DCC: variants seen among roughly 807,000 people sequenced by gnomAD.
DCC encodes DCC netrin 1 receptor.
A neutral mutation model predicts 172.5 loss-of-function variants in DCC; 58 were observed. The ratio of observed to expected loss-of-function variants is 0.34; its 90% confidence interval spans 0.27 to 0.42. The LOEUF is 0.42. Among genes scored for constraint, DCC ranks in the 10% least tolerant of loss-of-function variants. The pLI is 1.00. For missense variants in DCC, 1,740 were observed against 1,791.0 expected (o/e 0.97, Z 0.51); for synonymous variants, 709 against 644.5 (o/e 1.10, Z -1.52).
chr18:52,600,939 A>G (rs999211520), intron 1 of DCC, among the ~76,000 whole-genome samples: 2 of 152,160 alleles, frequency 1.3e-5, no homozygotes, highest in Non-Finnish European at 2.9e-5. Flanking sequence ...TATAACCCAA[A>G]GTTATATAGT....
At chr18:52,790,578 A>C (rs1270371170) in intron 2 of DCC, among the ~76,000 whole-genome samples, 2 of 152,178 alleles carry the variant, frequency 1.3e-5, no homozygotes, top group Non-Finnish European at 2.9e-5. Flanking sequence ...GAACATTATA[A>C]AAAAAGATAG....
chr18:53,340,077 T>TAC (rs1384746117), intron 15 of DCC, among the ~76,000 whole-genome samples, 170 bp downstream of exon 15: 92 of 101,400 alleles, frequency 9.1e-4, no homozygotes, highest in African/African-American at 3.1e-3. Flanking sequence ...CACACACACA[T>TAC]ACACACACAC....
At chr18:52,578,717 A>C (rs1045577143) in intron 1 of DCC, among the ~76,000 whole-genome samples, 1 of 152,244 alleles carries the variant, frequency 6.6e-6, no homozygotes, top group Non-Finnish European at 1.5e-5. Flanking sequence ...AAACAAAATT[A>C]GAGGCTGGGC....
At chr18:52,385,110 G>A (rs1873332176) in intron 1 of DCC, among the ~76,000 whole-genome samples, 1 of 152,094 alleles carries the variant, frequency 6.6e-6, no homozygotes, top group Non-Finnish European at 1.5e-5. Context: ...AAAATTAAAT[G>A]TGAATGGTTC....
chr18:53,343,094 TTAATC>T (rs1268953627), intron 15 of DCC, among the ~76,000 whole-genome samples: 1 of 151,728 alleles, frequency 6.6e-6, no homozygotes, highest in Non-Finnish European at 1.5e-5. Flanking sequence ...AATTTTCTGT[TTAATC>T]AAACATATCT....
At chr18:52,499,328 A>G (rs938891400) in intron 1 of DCC, among the ~76,000 whole-genome samples, 2 of 152,040 alleles carry the variant, frequency 1.3e-5, no homozygotes, top group Non-Finnish European at 2.9e-5. Context: ...CTATTTTCTC[A>G]TCTCTAAAAT....
intron 5 of DCC, among the ~76,000 whole-genome samples, chr18:52,955,756 T>C (rs1406273106): frequency 1.3e-5 from 2 of 152,110 alleles, no homozygotes; most frequent in African/African-American, 2.4e-5. Context: ...AGGTTTGTAA[T>C]GGTACCACAT....
At chr18:53,104,340 CTG>C (rs2043214946) in intron 7 of DCC, among the ~76,000 whole-genome samples, 1 of 151,998 alleles carries the variant, frequency 6.6e-6, no homozygotes, top group Admixed American at 6.6e-5. Context: ...CAGGTCTTTT[CTG>C]TGCTGTTCTC....
rs150547090 is a variant in DCC, at chr18:52,938,377, G to A, written c.985+13007G>A. ...TAGTGAGAGAAGATGAGTGATGTCT[G>A]GTAGTGGCAATAAGCTGTACATCCT... On this transcript the variant is annotated intron_variant, in intron 5 of 28. Coordinates refer to ENST00000442544, the MANE Select transcript of DCC (RefSeq NM_005215.4). 3.9e-5 allele frequency among the ~76,000 whole-genome samples: 6 copies of A among 152,266 alleles called. No homozygotes were observed. The South Asian group carries it at 1.2e-3, about 32-fold the overall frequency.
At chr18:53,063,283 T>A (rs1245156901) in intron 5 of DCC, 22 bp from the exon 6 acceptor site, 2 of 1,526,898 alleles carry the variant, frequency 1.3e-6, no homozygotes, top group South Asian at 1.1e-5. Context: ...ACTCACTCAC[T>A]TTTTTTTTTC....
At chr18:52,611,161 A>G (rs2034269680) in intron 1 of DCC, among the ~76,000 whole-genome samples, 1 of 152,144 alleles carries the variant, frequency 6.6e-6, no homozygotes, top group Non-Finnish European at 1.5e-5. Context: ...CACATCTTGT[A>G]TCAGTCACTG....
rs142661892 is a variant in DCC at position 52,407,826 on chromosome 18, C to T, written c.91+66948C>T. Among the ~76,000 whole-genome samples, 991 of 152,106 alleles carry T rather than the reference C, an allele frequency of 6.5e-3. 37 individuals are homozygous for T. Among genetic ancestry groups the T allele is most frequent in the Admixed American group, 0.055 (844 of 15,242 alleles). On this transcript the variant is annotated intron_variant, in intron 1 of 28. Coordinates refer to ENST00000442544, the MANE Select transcript of DCC (RefSeq NM_005215.4). The stretch of plus-strand genomic sequence containing the variant: ...TTTTTCTGTGTACAGCTTCCCTCTC[C>T]AAATATTTTGTACCAAAATACCCAT...
chr18:53,026,773 G>A (rs1171833199), intron 5 of DCC, among the ~76,000 whole-genome samples: 2 of 151,852 alleles, frequency 1.3e-5, no homozygotes, highest in African/African-American at 4.8e-5. Flanking sequence ...ATGTTGTCCA[G>A]GCTGGTCTTG....
intron 1 of DCC, among the ~76,000 whole-genome samples, chr18:52,580,473 T>C (rs2033519399): frequency 6.6e-6 from 1 of 152,206 alleles, no homozygotes; most frequent in East Asian, 1.9e-4. Flanking sequence ...TTAAGAGATA[T>C]GGAGCAAGAG....
At chr18:52,967,639 C>T (rs1045538088) in intron 5 of DCC, among the ~76,000 whole-genome samples, 5 of 152,124 alleles carry the variant, frequency 3.3e-5, no homozygotes, top group African/African-American at 1.2e-4. Flanking sequence ...ATACTTTCTT[C>T]TAGATTTACC....
chr18:53,530,976 G>A lies in DCC; in HGVS notation c.*323G>A, dbSNP rs1393262888. Reference sequence around the variant, plus strand: ...CCACACTGTCATAACTAATACCTATGTTTTCCTTTGTCAAGGCCTGTTGTT... The same window carrying A: ...CCACACTGTCATAACTAATACCTATATTTTCCTTTGTCAAGGCCTGTTGTT... On this transcript the variant is annotated 3_prime_UTR_variant, in exon 29 of 29. Transcript: ENST00000442544. 8 of 428,240 alleles carry A rather than the reference G, an allele frequency of 1.9e-5. No individual in the cohort carries two copies. Among genetic ancestry groups the A allele is most frequent in the African/African-American group, 4.0e-5 (2 of 49,734 alleles). The allele number at this position is 428,240 out of a possible 1,614,324, so 26.5% of individuals were successfully genotyped here. A position where few individuals can be genotyped will look rare whatever the true frequency, so the allele number is the denominator to read the frequency against.
At chr18:52,852,852 C>T (rs9955838) in intron 2 of DCC, among the ~76,000 whole-genome samples, 147,166 of 152,266 alleles carry the variant, frequency 0.97, 71,313 homozygotes, top group Middle Eastern at 1. Context: ...ATGGAAATTA[C>T]ATATTTAGTA....
intron 1 of DCC, among the ~76,000 whole-genome samples, chr18:52,450,316 G>A (rs774296453): frequency 2.6e-5 from 4 of 152,186 alleles, no homozygotes; most frequent in South Asian, 2.1e-4. Flanking sequence ...TAATAATTTA[G>A]TTGGGTGGCT....
chr18:53,375,870 G>A (rs1010831227), intron 15 of DCC, among the ~76,000 whole-genome samples: 3 of 151,942 alleles, frequency 2.0e-5, no homozygotes, highest in Non-Finnish European at 4.4e-5. Context: ...TGCTGTAATT[G>A]GTGACCAAAG....
Sources: allele counts gnomAD v4.1 joint callset (sites outside exome capture counted in the v4.1 genomes callset), GRCh38; gene constraint gnomAD v4.1.1; transcripts MANE v1.5; gene names NCBI Gene and HGNC (gene_info 2026-07-23, HGNC 2026-07-21).